Variants in NTRK3 observed in about 807,000 individuals in gnomAD.
The protein encoded by NTRK3 is neurotrophic receptor tyrosine kinase 3.
NTRK3 carries 24 observed loss-of-function variants against 91.7 expected under a neutral mutation model. The observed-to-expected ratio is 0.26, with a 90% CI of 0.19 to 0.37. The LOEUF is 0.37. Among genes scored for constraint, NTRK3 ranks in the 10% least tolerant of loss-of-function variants. The pLI is 1.00. For synonymous variants in NTRK3, 483 were observed against 404.0 expected (o/e 1.20, Z -2.34); for missense variants, 880 against 1,068.9 (o/e 0.82, Z 2.46).
At chr15:88,148,702 T>C (rs1375170222) in intron 5 of NTRK3, among the ~76,000 whole-genome samples, 1 of 152,146 alleles carries the variant, frequency 6.6e-6, no homozygotes, top group Non-Finnish European at 1.5e-5. Context: ...GGGAAGGCAC[T>C]GGATGGTTCT....
chr15:87,960,769 G>A (rs1167677250), intron 14 of NTRK3, among the ~76,000 whole-genome samples: 5 of 152,112 alleles, frequency 3.3e-5, no homozygotes, highest in South Asian at 2.1e-4. Context: ...TCAGGTGTGA[G>A]ACACTATGCC....
rs547075058 is a variant in NTRK3, at chr15:88,019,841, C to T, written c.1585+13016G>A. On this transcript the variant is annotated intron_variant, in intron 14 of 18. Coordinates refer to ENST00000394480, the Ensembl canonical transcript of NTRK3. Reference sequence around the variant, plus strand: ...TTTAGCTGAGTTATGTGATGATCAACGTCTTAAGCCAAGTGAGTCAGGATT... The same window carrying T: ...TTTAGCTGAGTTATGTGATGATCAATGTCTTAAGCCAAGTGAGTCAGGATT... Among the ~76,000 whole-genome samples, 10 of 152,336 alleles carry T rather than the reference C, an allele frequency of 6.6e-5. No individual in the cohort carries two copies. The South Asian group carries it at 1.4e-3, about 22-fold the overall frequency.
At chr15:88,002,341 C>T (rs918563081) in intron 14 of NTRK3, among the ~76,000 whole-genome samples, 1 of 151,936 alleles carries the variant, frequency 6.6e-6, no homozygotes, top group Non-Finnish European at 1.5e-5. Context: ...TAATGGAAGG[C>T]CTTGTTCAAA....
At chr15:88,023,181 C>G (rs1194616481) in intron 14 of NTRK3, among the ~76,000 whole-genome samples, 1 of 152,184 alleles carries the variant, frequency 6.6e-6, no homozygotes, top group Non-Finnish European at 1.5e-5. Flanking sequence ...ACTCTGTGGA[C>G]AAGCTTGTAT....
rs2064872452 is a variant in NTRK3 at position 87,873,355 on chromosome 15, A to G, written c.*3580T>C. The G allele has an allele frequency of 1.3e-5, 3 of 228,892 alleles. No homozygotes were observed. The South Asian group carries it at 5.5e-4, about 42-fold the overall frequency. The allele number at this position is 228,892 out of a possible 1,614,324, so 14.2% of individuals were successfully genotyped here. On this transcript the variant is annotated 3_prime_UTR_variant, in exon 19 of 19. Coordinates refer to ENST00000394480, the Ensembl canonical transcript of NTRK3. ...CCCAAGGTCCCCTCAGAGTTCAGGG[A>G]TATCATTAGAGGGCAGAGTTAGGTT...
At chr15:88,134,991 T>C in intron 10 of NTRK3, 110 bp downstream of exon 10, 2 of 1,307,834 alleles carry the variant, frequency 1.5e-6, no homozygotes, top group Non-Finnish European at 1.1e-6. Flanking sequence ...TTGTTGCCCA[T>C]GATAACAGTA....
intron 17 of NTRK3, among the ~76,000 whole-genome samples, chr15:87,923,394 G>A (rs145204279): frequency 6.6e-6 from 1 of 152,186 alleles, no homozygotes; most frequent in East Asian, 1.9e-4. Flanking sequence ...TAGCTGGTTG[G>A]GACATAGATA....
chr15:87,879,319 C>A (rs2065114270), intron 18 of NTRK3, among the ~76,000 whole-genome samples: 1 of 152,178 alleles, frequency 6.6e-6, no homozygotes, highest in South Asian at 2.1e-4. Context: ...TGCGATGTTT[C>A]ATAGGGATGT....
At chr15:88,214,387 C>A (rs1023696926) in intron 3 of NTRK3, among the ~76,000 whole-genome samples, 6 of 152,150 alleles carry the variant, frequency 3.9e-5, no homozygotes, top group Admixed American at 3.3e-4. Context: ...CTTCACAAGG[C>A]CTTCCTCCCT....
intron 5 of NTRK3, among the ~76,000 whole-genome samples, chr15:88,151,016 A>G (rs1463775010): frequency 6.6e-6 from 1 of 151,904 alleles, no homozygotes; most frequent in Non-Finnish European, 1.5e-5. Flanking sequence ...TTAATTAAGA[A>G]CACCCTGCCT....
intron 14 of NTRK3, among the ~76,000 whole-genome samples, chr15:87,995,350 T>C (rs1246783162): frequency 6.6e-6 from 1 of 152,138 alleles, no homozygotes; most frequent in East Asian, 1.9e-4. Flanking sequence ...AGGGCATTCC[T>C]AAGAGGTAGC....
chr15:88,157,116 G>A (rs893012035), intron 5 of NTRK3, among the ~76,000 whole-genome samples: 6 of 152,016 alleles, frequency 3.9e-5, no homozygotes, highest in Non-Finnish European at 5.9e-5. Flanking sequence ...CTGTCCCTGT[G>A]AAGCCAACTT....
chr15:88,007,066 A>T (rs1596653345), intron 14 of NTRK3, among the ~76,000 whole-genome samples: 1 of 151,966 alleles, frequency 6.6e-6, no homozygotes, highest in Admixed American at 6.6e-5. Flanking sequence ...AAATGAAAAA[A>T]CCTAGCGTGA....
At chr15:88,224,719 T>C (rs1369939417) in intron 3 of NTRK3, among the ~76,000 whole-genome samples, 1 of 152,192 alleles carries the variant, frequency 6.6e-6, no homozygotes. Flanking sequence ...CCCAGGTACC[T>C]ACCAGGAGTG....
chr15:88,076,672 TAAAAAAA>T (rs34053167), intron 13 of NTRK3, among the ~76,000 whole-genome samples: 1 of 120,410 alleles, frequency 8.3e-6, no homozygotes, highest in Admixed American at 8.3e-5. Flanking sequence ...TATACATATG[TAAAAAAA>T]AAAAAAAAAA....
At chr15:87,897,501 G>T (rs1351337299) in intron 17 of NTRK3, among the ~76,000 whole-genome samples, 1 of 152,090 alleles carries the variant, frequency 6.6e-6, no homozygotes, top group Non-Finnish European at 1.5e-5. Flanking sequence ...ATTTTAAGAT[G>T]ATGTTAAAAG....
intron 15 of NTRK3, among the ~76,000 whole-genome samples, chr15:87,938,958 T>C (rs2069549054): frequency 6.6e-6 from 1 of 152,206 alleles, no homozygotes; most frequent in Non-Finnish European, 1.5e-5. Flanking sequence ...TTGTTTATTT[T>C]CTAGAGCAGA....
At chr15:88,254,435 G>A (rs557496296) in intron 3 of NTRK3, among the ~76,000 whole-genome samples, 94 of 152,144 alleles carry the variant, frequency 6.2e-4, no homozygotes, top group Non-Finnish European at 1.3e-3. Flanking sequence ...GAGGGTAAGG[G>A]GGTGAACAGC....
At chr15:87,923,204 C>G (rs2068017880) in intron 17 of NTRK3, among the ~76,000 whole-genome samples, 1 of 152,158 alleles carries the variant, frequency 6.6e-6, no homozygotes, top group Non-Finnish European at 1.5e-5. Flanking sequence ...CTATGAAGTA[C>G]AATTCATGTT....
Sources: gnomAD v4.1 joint callset for allele counts (sites outside exome capture counted in the v4.1 genomes callset) on GRCh38, gnomAD v4.1.1 for gene constraint, MANE v1.5 for transcripts, NCBI Gene and HGNC (gene_info 2026-07-23, HGNC 2026-07-21) for gene names.